The following BAIAP2L1 variants were observed in gnomAD, a reference collection of about 807,000 sequenced individuals.
BAIAP2L1 encodes the protein BAR/IMD domain-containing adapter protein 2-like 1.
In BAIAP2L1, 35 loss-of-function variants were observed where a neutral mutation model predicts 66.3. The ratio of observed to expected loss-of-function variants is 0.53; its 90% CI spans 0.40 to 0.70. BAIAP2L1 has a LOEUF of 0.70. BAIAP2L1 is among the 30% of genes least tolerant of loss of function. BAIAP2L1 has a pLI of 0.00. For missense variants in BAIAP2L1, 622 were observed against 656.9 expected (o/e 0.95, Z 0.58); for synonymous variants, 269 against 248.7 (o/e 1.08, Z -0.77).
chr7:98,365,598 G>A (rs1212182240), intron 1 of BAIAP2L1, among the ~76,000 whole-genome samples: 1 of 152,144 alleles, frequency 6.6e-6, no homozygotes, highest in Non-Finnish European at 1.5e-5. Context: ...AACCTCCCAA[G>A]TAGCTGCGGG....
rs569485426 is a variant in BAIAP2L1, at chr7:98,386,034, G to A, written c.51+14768C>T. 3.5e-6 allele frequency: 5 copies of A among 1,409,222 alleles called. 1 individual carries two copies. In the South Asian group the frequency reaches 5.7e-5, roughly 16 times the overall value. The allele number at this position is 1,409,222 out of a possible 1,614,324, so 87.3% of individuals were successfully genotyped here. Reference sequence around the variant, plus strand: ...CAATGCTGTCTGGAATCAATTTATTGACCACTTCTTTCAAGTCATTTGTCT... The same window carrying A: ...CAATGCTGTCTGGAATCAATTTATTAACCACTTCTTTCAAGTCATTTGTCT... On this transcript the variant is annotated intron_variant, in intron 1 of 13. Coordinates refer to ENST00000005260, the MANE Select transcript of BAIAP2L1 (RefSeq NM_018842.5).
At chr7:98,306,707 TAA>T (rs1172031707) in intron 10 of BAIAP2L1, 191 bp from the exon 11 acceptor site, 1 of 854,522 alleles carries the variant, frequency 1.2e-6, no homozygotes, top group Non-Finnish European at 1.7e-6. Context: ...TGTGTATTGT[TAA>T]CAATTTTTTT....
At position 98,362,393 on chromosome 7, in the gene BAIAP2L1, T is replaced by C; in HGVS notation, c.91A>G (p.Ile31Val). Residue 31 changes from isoleucine (I) to valine (V), a missense_variant, in exon 2 of 14, where the codon ATA becomes GTA. Physicochemically the swap from Ile to Val is conservative, Grantham distance 29. Coordinates refer to ENST00000005260, the MANE Select transcript of BAIAP2L1 (RefSeq NM_018842.5). ...EQFNPGLRNL[I>V]NLGKNYEKAV... Reference sequence around the variant, plus strand: ...TTCTCATAATTTTTCCCCAGGTTTATTAAATTTCGCAGCCCAGGATTGAAC... The same window carrying C: ...TTCTCATAATTTTTCCCCAGGTTTACTAAATTTCGCAGCCCAGGATTGAAC... The C allele has an allele frequency of 6.2e-7, 1 of 1,613,326 alleles. No individual in the cohort carries two copies. The highest frequency in any genetic ancestry group is 8.5e-7 in the Non-Finnish European group (1 of 1,179,718).
intron 1 of BAIAP2L1, among the ~76,000 whole-genome samples, chr7:98,399,281 T>A (rs1230854679): frequency 1.3e-5 from 2 of 152,214 alleles, no homozygotes; most frequent in Non-Finnish European, 2.9e-5. Flanking sequence ...TCTCCCTACC[T>A]GTAAGGCATA....
intron 1 of BAIAP2L1, among the ~76,000 whole-genome samples, chr7:98,393,753 G>A (rs1241993474): frequency 2.7e-5 from 4 of 150,806 alleles, no homozygotes; most frequent in Admixed American, 6.6e-5. Flanking sequence ...CCAAAGTGCT[G>A]GGATTACAGA....
intron 7 of BAIAP2L1, among the ~76,000 whole-genome samples, chr7:98,315,179 T>C (rs1407255070): frequency 6.6e-6 from 1 of 152,184 alleles, no homozygotes; most frequent in East Asian, 1.9e-4. Context: ...TGGAGTGCAG[T>C]GGCACAATCA....
chr7:98,294,257 T>TGCTGGGACTACAGGTGTGAGCC (rs1488210848), intron 12 of BAIAP2L1, 146 bp from the exon 13 acceptor site: 3 of 764,384 alleles, frequency 3.9e-6, no homozygotes, highest in Non-Finnish European at 6.4e-6. Context: ...CCTCCTAATG[T>TGCTGGGACTACAGGTGTGAGCC]GCTGGGACTA....
At chr7:98,378,057 G>A (rs1476392265) in intron 1 of BAIAP2L1, among the ~76,000 whole-genome samples, 1 of 151,858 alleles carries the variant, frequency 6.6e-6, no homozygotes, top group Non-Finnish European at 1.5e-5. Flanking sequence ...GCTGAGACAG[G>A]AGAATCGCTT....
At chr7:98,338,656 C>T (rs921260933) in intron 3 of BAIAP2L1, among the ~76,000 whole-genome samples, 1 of 152,166 alleles carries the variant, frequency 6.6e-6, no homozygotes, top group African/African-American at 2.4e-5. Context: ...TATAGCGGTA[C>T]TTCATTCTTT....
intron 1 of BAIAP2L1, chr7:98,400,252 G>A: frequency 7.7e-6 from 1 of 129,364 alleles, no homozygotes; most frequent in African/African-American, 3.1e-5. Flanking sequence ...CAGGGAAGAG[G>A]AGAAGGGACG....
intron 1 of BAIAP2L1, among the ~76,000 whole-genome samples, chr7:98,382,102 TC>T (rs1802773517): frequency 6.6e-6 from 1 of 151,964 alleles, no homozygotes; most frequent in Non-Finnish European, 1.5e-5. Context: ...TTTTGTATTT[TC>T]AGTAGAGAGG....
intron 3 of BAIAP2L1, among the ~76,000 whole-genome samples, chr7:98,330,861 G>A (rs74372593): frequency 7.6e-4 from 115 of 152,130 alleles, no homozygotes; most frequent in African/African-American, 2.4e-3. Flanking sequence ...CAGATCTTAT[G>A]TGGACTAATA....
intron 1 of BAIAP2L1, among the ~76,000 whole-genome samples, chr7:98,392,949 CG>C (rs1803081885): frequency 7.3e-6 from 1 of 137,328 alleles, no homozygotes; most frequent in South Asian, 2.3e-4. Context: ...CCCGCCACCA[CG>C]CCCAGCTGAT....
intron 12 of BAIAP2L1, among the ~76,000 whole-genome samples, chr7:98,296,012 AGACACTCG>A (rs1312037326): frequency 6.6e-6 from 1 of 152,172 alleles, no homozygotes; most frequent in Non-Finnish European, 1.5e-5. Flanking sequence ...ATGGGCACCG[AGACACTCG>A]GGCAGCCCTG....
chr7:98,393,610 G>A (rs955096616), intron 1 of BAIAP2L1, among the ~76,000 whole-genome samples: 49 of 151,446 alleles, frequency 3.2e-4, no homozygotes, highest in Non-Finnish European at 1.6e-4. Flanking sequence ...CCATTCTCCC[G>A]CCTCAGCCTC....
At chr7:98,320,685 C>T (rs1801217582) in intron 3 of BAIAP2L1, among the ~76,000 whole-genome samples, 2 of 152,136 alleles carry the variant, frequency 1.3e-5, no homozygotes, top group Admixed American at 1.3e-4. Flanking sequence ...AACAGGGAAA[C>T]ACAGAAATAC....
intron 3 of BAIAP2L1, among the ~76,000 whole-genome samples, chr7:98,353,957 G>A (rs936741637): frequency 1.4e-4 from 19 of 136,686 alleles, no homozygotes; most frequent in African/African-American, 4.8e-4. Flanking sequence ...GCAAGACTCT[G>A]TCTCAATAAA....
intron 1 of BAIAP2L1, among the ~76,000 whole-genome samples, chr7:98,363,760 C>T (rs1802325533): frequency 1.3e-5 from 2 of 152,104 alleles, no homozygotes; most frequent in African/African-American, 4.8e-5. Context: ...ATGCATGCTC[C>T]ATTTATATAG....
At chr7:98,360,311 G>A (rs1337184863) in intron 2 of BAIAP2L1, among the ~76,000 whole-genome samples, 1 of 151,740 alleles carries the variant, frequency 6.6e-6, no homozygotes, top group Non-Finnish European at 1.5e-5. Context: ...CCAAAGTGCT[G>A]GAATTACAGG....
Sources: allele counts gnomAD v4.1 joint callset (sites outside exome capture counted in the v4.1 genomes callset), GRCh38; gene constraint gnomAD v4.1.1; transcripts MANE v1.5; gene names NCBI Gene and HGNC (gene_info 2026-07-23, HGNC 2026-07-21).